The following THRB variants were observed in gnomAD, a reference collection of about 807,000 sequenced individuals.
THRB encodes thyroid hormone receptor beta.
A neutral mutation model predicts 47.8 loss-of-function variants in THRB; 12 were observed. The ratio of observed to expected loss-of-function variants is 0.25; its 90% CI spans 0.16 to 0.41. The LOEUF (loss-of-function observed/expected upper bound fraction) is 0.41, where lower values mean the gene tolerates loss of function less well. THRB is among the 10% of genes least tolerant of loss of function. THRB has a pLI of 1.00. For synonymous variants in THRB, 218 were observed against 212.2 expected, an observed-to-expected ratio of 1.03 and a Z score of -0.24; for missense variants, 348 against 589.2, an observed-to-expected ratio of 0.59 and a Z score of 4.24.
intron 4 of THRB, among the ~76,000 whole-genome samples, chr3:24,193,525 A>T (rs1322596934): frequency 6.6e-6 from 1 of 152,228 alleles, no homozygotes; most frequent in African/African-American, 2.4e-5. Flanking sequence ...GTAAATTTTC[A>T]TTATCATTCA....
intron 5 of THRB, among the ~76,000 whole-genome samples, chr3:24,170,032 A>C (rs984663039): frequency 2.0e-5 from 3 of 152,082 alleles, no homozygotes; most frequent in Non-Finnish European, 2.9e-5. Flanking sequence ...ATCCATGTGG[A>C]TATCTCCATC....
At chr3:24,455,341 C>T (rs972141005) in intron 1 of THRB, 7 of 151,866 alleles carry the variant, frequency 4.6e-5, no homozygotes, top group African/African-American at 1.7e-4. Flanking sequence ...AGATAATATG[C>T]CTTTTCTATC....
chr3:24,166,627 G>C (rs1218230203), intron 5 of THRB, among the ~76,000 whole-genome samples: 1 of 152,268 alleles, frequency 6.6e-6, no homozygotes, highest in East Asian at 1.9e-4. Context: ...TATATGCATA[G>C]TTGTAGATCA....
intron 3 of THRB, among the ~76,000 whole-genome samples, chr3:24,261,288 G>T (rs1446359652): frequency 1.3e-5 from 2 of 151,994 alleles, no homozygotes; most frequent in Non-Finnish European, 2.9e-5. Flanking sequence ...AGATCACGAG[G>T]GCAAGAGATC....
In THRB at chr3:24,341,123, A is replaced by AT. The variant is rs67375658; in HGVS notation, c.-260-3753dup. 6.5e-3 allele frequency among the ~76,000 whole-genome samples: 884 copies of AT among 136,864 alleles called. 7 individuals are homozygous for AT. Among genetic ancestry groups the AT allele is most frequent in the Non-Finnish European group, 9.4e-3 (589 of 62,716 alleles). The allele number at this position is 136,864 out of a possible 152,430, so 89.8% of individuals were successfully genotyped here. ...GCTTTTGGGAGTTTTGTCAATATCT[A>AT]TTTTTTTTTTTCTAATTTTTCCCTC... On this transcript the variant is annotated intron_variant, in intron 1 of 10. Transcript: ENST00000646209.
At chr3:24,323,588 C>T (rs2058627286) in intron 2 of THRB, among the ~76,000 whole-genome samples, 1 of 152,208 alleles carries the variant, frequency 6.6e-6, no homozygotes, top group Non-Finnish European at 1.5e-5. Flanking sequence ...ACAAACCATG[C>T]TTTGAGCAGC....
chr3:24,440,077 C>T (rs930930084), intron 1 of THRB, among the ~76,000 whole-genome samples: 1 of 152,160 alleles, frequency 6.6e-6, no homozygotes, highest in Non-Finnish European at 1.5e-5. Context: ...TAAACTAAGT[C>T]GTAAATAACA....
At chr3:24,386,497 A>C (rs2066115488) in intron 1 of THRB, among the ~76,000 whole-genome samples, 1 of 152,108 alleles carries the variant, frequency 6.6e-6, no homozygotes, top group Non-Finnish European at 1.5e-5. Flanking sequence ...CTTGGTATTT[A>C]AGGCCATCTG....
chr3:24,133,748 C>A lies in THRB; in HGVS notation c.739-286G>T, dbSNP rs968879756. On this transcript the variant is annotated intron_variant, in intron 8 of 10. Transcript: ENST00000646209. ...TCAGAGAAAGGACAGGAATTTGGGT[C>A]CTGCTTCTGAATGCACAAAGGGTGT... Among the ~76,000 whole-genome samples the A allele has an allele frequency of 2.0e-5, 3 of 151,672 alleles. No homozygotes were observed. In the South Asian group the frequency reaches 6.3e-4, roughly 32 times the overall value.
intron 1 of THRB, among the ~76,000 whole-genome samples, chr3:24,453,300 G>T (rs146950936): frequency 6.6e-6 from 1 of 152,054 alleles, no homozygotes; most frequent in African/African-American, 2.4e-5. Context: ...TCACATCATG[G>T]CTCCTATGAT....
chr3:24,494,916 C>G (rs1359330063), upstream of THRB: 1 of 152,330 alleles, frequency 6.6e-6, no homozygotes, highest in Non-Finnish European at 1.5e-5. Context: ...GGCGGGGTCC[C>G]GGGGAGCGCC....
At chr3:24,343,508 T>A (rs2062813730) in intron 1 of THRB, among the ~76,000 whole-genome samples, 1 of 152,194 alleles carries the variant, frequency 6.6e-6, no homozygotes, top group African/African-American at 2.4e-5. Flanking sequence ...GCAACATCCA[T>A]CTGTTATTCT....
At chr3:24,323,231 T>G (rs1292026737) in intron 2 of THRB, among the ~76,000 whole-genome samples, 1 of 152,124 alleles carries the variant, frequency 6.6e-6, no homozygotes, top group Non-Finnish European at 1.5e-5. Flanking sequence ...TTTTTGGTTT[T>G]TTTTTTTTTG....
At chr3:24,360,632 G>A (rs1485493665) in intron 1 of THRB, among the ~76,000 whole-genome samples, 2 of 152,002 alleles carry the variant, frequency 1.3e-5, no homozygotes, top group African/African-American at 4.8e-5. Context: ...CTGATCTGGG[G>A]TGCAACCTGG....
At chr3:24,424,586 T>A (rs897725943) in intron 1 of THRB, among the ~76,000 whole-genome samples, 15 of 151,992 alleles carry the variant, frequency 9.9e-5, no homozygotes, top group Non-Finnish European at 1.9e-4. Flanking sequence ...TGAGAAGTAC[T>A]GTGCTACATG....
rs1444963759 is a variant in THRB at position 24,492,970 on chromosome 3, T to C, written c.-261+1682A>G. ...CTAGCAGATGGTCTCACTTCCAATA[T>C]ATAATAAACCTCTGAGATCAGGTAA... On this transcript the variant is annotated intron_variant, in intron 1 of 10. Transcript: ENST00000646209. Among the ~76,000 whole-genome samples, 5 of 152,344 alleles carry C rather than the reference T, an allele frequency of 3.3e-5. No individual in the cohort carries two copies. In the East Asian group the frequency reaches 7.7e-4, roughly 23 times the overall value.
At chr3:24,254,829 T>G (rs1020815877) in intron 3 of THRB, among the ~76,000 whole-genome samples, 1 of 152,240 alleles carries the variant, frequency 6.6e-6, no homozygotes, top group African/African-American at 2.4e-5. Context: ...GACCAATGAC[T>G]TAGTTTCTGT....
At chr3:24,159,760 T>C (rs2038486121) in intron 5 of THRB, among the ~76,000 whole-genome samples, 1 of 149,570 alleles carries the variant, frequency 6.7e-6, no homozygotes, top group Non-Finnish European at 1.5e-5. Flanking sequence ...TGTGTGTGTG[T>C]GTGTGTGTGT....
intron 2 of THRB, among the ~76,000 whole-genome samples, chr3:24,331,317 G>T (rs921415011): frequency 6.6e-6 from 1 of 152,066 alleles, no homozygotes; most frequent in Non-Finnish European, 1.5e-5. Context: ...GGGAAGGAGG[G>T]AATAAGAAAG....
Sources: gnomAD v4.1 joint callset for allele counts (sites outside exome capture counted in the v4.1 genomes callset) on GRCh38, gnomAD v4.1.1 for gene constraint, MANE v1.5 for transcripts, NCBI Gene and HGNC (gene_info 2026-07-23, HGNC 2026-07-21) for gene names.